Variants in LY96 observed in about 807,000 individuals in gnomAD.
The protein encoded by LY96 is myeloid differentiation protein-2.
In LY96, 18 loss-of-function variants were observed where a neutral mutation model predicts 18.9. The ratio of observed to expected loss-of-function variants is 0.95; its 90% confidence interval spans 0.66 to 1.41. The LOEUF (loss-of-function observed/expected upper bound fraction) is 1.41, where lower values mean the gene tolerates loss of function less well. Ranked by LOEUF, LY96 falls within the 40% of genes most tolerant of loss-of-function variation. The probability of loss-of-function intolerance (pLI) is 0.00; values close to 1 mark genes in which losing one functional copy is unlikely to be tolerated. For synonymous variants in LY96, 66 were observed against 62.6 expected (o/e 1.06, Z -0.26); for missense variants, 175 against 182.4 (o/e 0.96, Z 0.23).
At chr8:74,086,868 C>T in the LY96 span, among the ~76,000 whole-genome samples, 1 of 152,206 alleles carries the variant, frequency 6.6e-6, no homozygotes, top group East Asian at 1.9e-4. Flanking sequence ...GTGCAGCCCT[C>T]GCTAGACGTT....
intron 1 of LY96, among the ~76,000 whole-genome samples, chr8:73,995,229 A>G (rs1816101159): frequency 6.6e-6 from 1 of 152,168 alleles, no homozygotes; most frequent in African/African-American, 2.4e-5. Flanking sequence ...GGAACTTACC[A>G]GCCTCCGGAA....
At chr8:74,063,542 G>T in the LY96 span, among the ~76,000 whole-genome samples, 8 of 151,952 alleles carry the variant, frequency 5.3e-5, no homozygotes, top group Admixed American at 2.0e-4. Context: ...CTAGTCTGTG[G>T]CAGTCCTGCT....
At chr8:74,037,465 C>T in the LY96 span, among the ~76,000 whole-genome samples, 1 of 151,738 alleles carries the variant, frequency 6.6e-6, no homozygotes, top group Non-Finnish European at 1.5e-5. Context: ...CCTGTCTGTA[C>T]AAAAAATAAA....
chr8:74,072,794 G>A, the LY96 span, among the ~76,000 whole-genome samples: 1 of 152,214 alleles, frequency 6.6e-6, no homozygotes, highest in Non-Finnish European at 1.5e-5. Flanking sequence ...AAAAAGCTGG[G>A]AGGGGAGGAG....
At chr8:74,085,284 T>C in the LY96 span, among the ~76,000 whole-genome samples, 1 of 152,242 alleles carries the variant, frequency 6.6e-6, no homozygotes, top group African/African-American at 2.4e-5. Context: ...CTAAAACCTA[T>C]GATTGTCTGG....
the LY96 span, among the ~76,000 whole-genome samples, chr8:74,060,157 A>AACG: frequency 4.4e-4 from 67 of 152,008 alleles, no homozygotes; most frequent in East Asian, 2.5e-3. Context: ...AAACAACAAC[A>AACG]ACGACGACGA....
At chr8:74,001,850 A>G (rs1008726652) in intron 1 of LY96, among the ~76,000 whole-genome samples, 1 of 152,064 alleles carries the variant, frequency 6.6e-6, no homozygotes, top group Admixed American at 6.6e-5. Flanking sequence ...AAAACAAACC[A>G]ACAAACAAAA....
At chr8:74,002,081 TTCTTTCTTTCTTTCTCTCTCTCTC>T (rs1289894786) in intron 1 of LY96, among the ~76,000 whole-genome samples, 1 of 27,622 alleles carries the variant, frequency 3.6e-5, no homozygotes, top group African/African-American at 2.0e-4. Context: ...CTTCCTTTCT[TTCTTTCTTTCTTTCTCTCTCTCTC>T]TCTCTCTCTC....
the LY96 span, among the ~76,000 whole-genome samples, chr8:74,086,787 G>T: frequency 3.6e-4 from 55 of 152,336 alleles, no homozygotes; most frequent in African/African-American, 1.3e-3. Context: ...TATAAAAGAG[G>T]TGCCAGTGAG....
intron 4 of LY96, among the ~76,000 whole-genome samples, 155 bp downstream of exon 4, chr8:74,026,996 C>T (rs1035786606): frequency 4.0e-5 from 6 of 149,296 alleles, no homozygotes; most frequent in East Asian, 2.0e-4. Context: ...TGCAGTGGCA[C>T]GATCTCTGCT....
At position 74,029,071 on chromosome 8, in the gene LY96, A is replaced by T. The variant is rs10282832; in HGVS notation, c.*17A>T. The T allele has an allele frequency of 1.0e-4, 148 of 1,446,500 alleles. No individual in the cohort carries two copies. The highest frequency in any genetic ancestry group is 4.2e-4 in the African/African-American group (30 of 72,054). The allele number at this position is 1,446,500 out of a possible 1,614,324, so 89.6% of individuals were successfully genotyped here. Reference sequence around the variant, plus strand: ...TCAAATTAGAATAAATTGAGTATTTAAAAAAAAATTTAAAGGTATTGTTCC... The same window carrying T: ...TCAAATTAGAATAAATTGAGTATTTTAAAAAAAATTTAAAGGTATTGTTCC... On this transcript the variant is annotated 3_prime_UTR_variant, in exon 5 of 5. Transcript: ENST00000284818.
At chr8:74,070,604 G>A in the LY96 span, among the ~76,000 whole-genome samples, 34 of 152,030 alleles carry the variant, frequency 2.2e-4, no homozygotes, top group African/African-American at 7.7e-4. Context: ...ACTGACTCCT[G>A]TGTCCCTTTG....
chr8:74,086,063 C>A, the LY96 span, among the ~76,000 whole-genome samples: 1 of 152,188 alleles, frequency 6.6e-6, no homozygotes, highest in Non-Finnish European at 1.5e-5. Flanking sequence ...CAGCCCCTGG[C>A]AACCAATATT....
At chr8:74,056,335 A>G in the LY96 span, 1 of 349,824 alleles carries the variant, frequency 2.9e-6, no homozygotes, top group Admixed American at 3.9e-5. Context: ...CAGCACCAAC[A>G]GGTCTGACAA....
In LY96 at chr8:74,002,085, T is replaced by TCTCTC. The variant is rs1816303770; in HGVS notation, c.113-2711_113-2710insCTCTC. Reference sequence around the variant, plus strand: ...TTCCTTCCTTCCTTCCTTTCTTTCTTTCTTTCTTTCTCTCTCTCTCTCTCT... The same window carrying TCTCTC: ...TTCCTTCCTTCCTTCCTTTCTTTCTTCTCTCTCTTTCTTTCTCTCTCTCTCTCTCT... On this transcript the variant is annotated intron_variant, in intron 1 of 4. Coordinates refer to ENST00000284818, the MANE Select transcript of LY96 (RefSeq NM_015364.5). 6.8e-5 allele frequency among the ~76,000 whole-genome samples: 2 copies of TCTCTC among 29,338 alleles called. 1 individual carries two copies. Among genetic ancestry groups the TCTCTC allele is most frequent in the African/African-American group, 3.7e-4 (2 of 5,340 alleles). The allele number at this position is 29,338 out of a possible 152,430, so 19.2% of individuals were successfully genotyped here.
chr8:74,019,148 A>G (rs776882262), intron 3 of LY96, among the ~76,000 whole-genome samples: 9 of 152,188 alleles, frequency 5.9e-5, no homozygotes, highest in Non-Finnish European at 1.3e-4. Flanking sequence ...ATTTTTTGAA[A>G]AGATCAACAA....
intron 3 of LY96, among the ~76,000 whole-genome samples, chr8:74,018,229 AAAAAAAAAT>A (rs1017182528): frequency 9.8e-5 from 10 of 101,584 alleles, no homozygotes; most frequent in Middle Eastern, 5.8e-3. Context: ...AATGGAAAGC[AAAAAAAAAT>A]AAAAAAAATA....
chr8:74,044,729 T>C, the LY96 span, among the ~76,000 whole-genome samples: 686 of 152,286 alleles, frequency 4.5e-3, 3 homozygotes, highest in African/African-American at 0.016. Context: ...CAATTTTTTT[T>C]CTCTGAGCAA....
At chr8:74,086,994 C>T in the LY96 span, among the ~76,000 whole-genome samples, 1 of 152,198 alleles carries the variant, frequency 6.6e-6, no homozygotes, top group African/African-American at 2.4e-5. Context: ...CCCATATGGA[C>T]TAAGTCAGGG....
Sources: gnomAD v4.1 joint callset for allele counts (sites outside exome capture counted in the v4.1 genomes callset) on GRCh38, gnomAD v4.1.1 for gene constraint, MANE v1.5 for transcripts, NCBI Gene and HGNC (gene_info 2026-07-23, HGNC 2026-07-21) for gene names.